The following ABAT variants were observed in gnomAD, a reference collection of about 807,000 sequenced individuals.
The protein encoded by ABAT is 4-aminobutyrate aminotransferase.
ABAT carries 45 observed loss-of-function variants against 64.6 expected under a neutral mutation model. That is an observed-to-expected ratio of 0.70 (90% CI 0.55 to 0.89). ABAT has a LOEUF of 0.89. Ranked by LOEUF, ABAT falls within the 40% of genes least tolerant of loss-of-function variation. The probability of loss-of-function intolerance (pLI) is 0.00; values close to 1 mark genes in which losing one functional copy is unlikely to be tolerated. For synonymous variants in ABAT, 297 were observed against 250.5 expected, an observed-to-expected ratio of 1.19 and a Z score of -1.75; for missense variants, 633 against 658.4, an observed-to-expected ratio of 0.96 and a Z score of 0.42.
chr16:8,694,084 C>G (rs1459707736), intron 1 of ABAT, among the ~76,000 whole-genome samples: 1 of 151,948 alleles, frequency 6.6e-6, no homozygotes, highest in Non-Finnish European at 1.5e-5. Flanking sequence ...GGCTGGAGTA[C>G]AGTGGCACGA....
intron 1 of ABAT, among the ~76,000 whole-genome samples, chr16:8,729,335 A>G (rs2058651848): frequency 6.6e-6 from 1 of 151,952 alleles, no homozygotes; most frequent in Non-Finnish European, 1.5e-5. Flanking sequence ...GAGTTTTGTT[A>G]TTAGCTGGAT....
chr16:8,774,950 T>C lies in ABAT; in HGVS notation c.1015T>C (p.Trp339Arg). Residue 339 changes from tryptophan to arginine, a missense_variant, in exon 13 of 16, where the codon TGG (tryptophan) becomes CGG (arginine). Transcript: ENST00000268251. ...QTGGGCTGKF[W>R]AHEHWGLDDP... is the part of the protein sequence containing the mutation. The stretch of plus-strand genomic sequence containing the variant: ...CGGAGGAGGCTGCACGGGCAAGTTC[T>C]GGGCCCATGAGCACTGGGGCCTGGA... The C allele has an allele frequency of 1.2e-6, 2 of 1,614,216 alleles. No homozygotes were observed. Among genetic ancestry groups the C allele is most frequent in the Non-Finnish European group, 1.7e-6 (2 of 1,180,036 alleles).
At chr16:8,777,135 A>T (rs2060289486) in intron 14 of ABAT, among the ~76,000 whole-genome samples, 1 of 152,080 alleles carries the variant, frequency 6.6e-6, no homozygotes, top group Non-Finnish European at 1.5e-5. Flanking sequence ...CCCCGACCTC[A>T]GGTGATCCGC....
rs140178589 is a variant in ABAT at position 8,737,649 on chromosome 16, G to A, written c.70+1840G>A. Among the ~76,000 whole-genome samples the A allele has an allele frequency of 3.4e-3, 516 of 151,728 alleles. 1 individual carries two copies. The highest frequency in any genetic ancestry group is 0.011 in the African/African-American group (473 of 41,368). ...ACACTAAGAAACTAGCTGGCCAGGC[G>A]CGGTGGCTCACGCCTATAATGCCAG... On this transcript the variant is annotated intron_variant, in intron 2 of 15. Transcript: ENST00000268251.
At chr16:8,751,338 T>G (rs1379448821) in intron 5 of ABAT, among the ~76,000 whole-genome samples, 1 of 152,120 alleles carries the variant, frequency 6.6e-6, no homozygotes, top group Non-Finnish European at 1.5e-5. Flanking sequence ...TCCTCCCACC[T>G]TGGCCTCCCA....
At chr16:8,692,605 T>C (rs79134214) in intron 1 of ABAT, among the ~76,000 whole-genome samples, 3,643 of 152,262 alleles carry the variant, frequency 0.024, 147 homozygotes, top group African/African-American at 0.083. Flanking sequence ...ATGTCATATT[T>C]TCTTCCTCCT....
At chr16:8,726,317 G>A (rs1020133029) in intron 1 of ABAT, among the ~76,000 whole-genome samples, 6 of 130,784 alleles carry the variant, frequency 4.6e-5, no homozygotes, top group Non-Finnish European at 7.8e-5. Context: ...CTGGAGTGCA[G>A]TGGCGCCATC....
At chr16:8,685,318 G>GA (rs373153376) in intron 1 of ABAT, among the ~76,000 whole-genome samples, 214 of 151,916 alleles carry the variant, frequency 1.4e-3, no homozygotes, top group African/African-American at 5.0e-3. Context: ...AACAAGGCTA[G>GA]AATCAGATAA....
chr16:8,688,640 C>T (rs2057511369), intron 1 of ABAT, among the ~76,000 whole-genome samples: 1 of 152,134 alleles, frequency 6.6e-6, no homozygotes, highest in African/African-American at 2.4e-5. Context: ...GTCACCAAGG[C>T]CAGGGTCTTA....
At chr16:8,775,722 G>A (rs892713331) in intron 13 of ABAT, among the ~76,000 whole-genome samples, 1 of 152,152 alleles carries the variant, frequency 6.6e-6, no homozygotes, top group African/African-American at 2.4e-5. Context: ...AAGAAGGGAA[G>A]GACAAAGTGG....
chr16:8,746,130 G>A (rs1412627686), intron 3 of ABAT, 32 bp downstream of exon 3: 1 of 1,568,908 alleles, frequency 6.4e-7, no homozygotes, highest in East Asian at 2.2e-5. Flanking sequence ...GGGGTATTTT[G>A]GAAAAGGGAA....
chr16:8,765,129 C>T (rs188852694), intron 8 of ABAT, among the ~76,000 whole-genome samples: 7 of 151,906 alleles, frequency 4.6e-5, no homozygotes, highest in Admixed American at 2.0e-4. Context: ...CCCAGGAGCT[C>T]GAGACCAGCC....
intron 1 of ABAT, among the ~76,000 whole-genome samples, chr16:8,675,992 C>A (rs2057190786): frequency 1.3e-5 from 2 of 150,262 alleles, no homozygotes; most frequent in Non-Finnish European, 3.0e-5. Flanking sequence ...GTTGGCTTTG[C>A]TGCTTTGATG....
intron 12 of ABAT, among the ~76,000 whole-genome samples, chr16:8,773,147 C>CACAT (rs1239743158): frequency 2.0e-4 from 20 of 98,476 alleles, no homozygotes; most frequent in African/African-American, 6.9e-4. Flanking sequence ...CACACACACA[C>CACAT]ATATATATAT....
chr16:8,716,046 A>G (rs1221090776), intron 1 of ABAT, among the ~76,000 whole-genome samples: 1 of 152,202 alleles, frequency 6.6e-6, no homozygotes, highest in Non-Finnish European at 1.5e-5. Context: ...AAGATTTTCC[A>G]GTGCCCAGGC....
chr16:8,687,448 C>G (rs1429935514), intron 1 of ABAT, among the ~76,000 whole-genome samples: 1 of 151,510 alleles, frequency 6.6e-6, no homozygotes, highest in Non-Finnish European at 1.5e-5. Context: ...ATAGCTTGAA[C>G]CAGGGAGTCG....
intron 13 of ABAT, 98 bp downstream of exon 13, chr16:8,775,155 C>T: frequency 1.3e-6 from 2 of 1,529,260 alleles, no homozygotes; most frequent in Non-Finnish European, 1.8e-6. Flanking sequence ...GCTGGGTGGG[C>T]ACTTACTGGG....
Position 8,746,077 on chromosome 16 carries a change from A to G in ABAT, c.147A>G (p.Glu49=). 1 of 1,613,690 alleles carries G rather than the reference A, an allele frequency of 6.2e-7. No homozygotes were observed. Among genetic ancestry groups the G allele is most frequent in the South Asian group, 1.1e-5 (1 of 91,058 alleles). ...FDYDGPLMKT[E]VPGPRSQELM... ...ATGATGGGCCTCTGATGAAGACGGAAGTCCCAGGGCCTAGATCTCAGGTGA... is the reference window on the plus strand; with the variant it reads ...ATGATGGGCCTCTGATGAAGACGGAGGTCCCAGGGCCTAGATCTCAGGTGA... Residue 49 remains glutamate, a synonymous_variant, in exon 3 of 16, where the codon GAA becomes GAG. Transcript: ENST00000268251.
At chr16:8,727,105 G>A (rs1043062721) in intron 1 of ABAT, among the ~76,000 whole-genome samples, 1 of 152,092 alleles carries the variant, frequency 6.6e-6, no homozygotes, top group Non-Finnish European at 1.5e-5. Context: ...CCTTGTGAGA[G>A]GAGTAGTTTG....
Sources: gnomAD v4.1 joint callset for allele counts (sites outside exome capture counted in the v4.1 genomes callset) on GRCh38, gnomAD v4.1.1 for gene constraint, MANE v1.5 for transcripts, NCBI Gene and HGNC (gene_info 2026-07-23, HGNC 2026-07-21) for gene names.